CNTN4: variants seen among roughly 807,000 people sequenced by gnomAD.
CNTN4 encodes contactin 4.
Under a neutral mutation model 122.5 loss-of-function variants are expected in CNTN4, and 77 were observed. The ratio of observed to expected loss-of-function variants is 0.63; its 90% CI spans 0.52 to 0.76. The LOEUF (loss-of-function observed/expected upper bound fraction) is 0.76. Ranked by LOEUF, CNTN4 falls within the 30% of genes least tolerant of loss-of-function variation. The probability of loss-of-function intolerance (pLI) is 0.00; values close to 1 mark genes in which losing one functional copy is unlikely to be tolerated. For missense variants in CNTN4, 1,256 were observed against 1,259.1 expected, an observed-to-expected ratio of 1.00 and a Z score of 0.04; for synonymous variants, 512 against 447.0, an observed-to-expected ratio of 1.15 and a Z score of -1.83.
At chr3:3,050,589 C>G (rs147466482) in intron 23 of CNTN4, among the ~76,000 whole-genome samples, 1 of 151,958 alleles carries the variant, frequency 6.6e-6, no homozygotes, top group African/African-American at 2.4e-5. Context: ...CATGGTGAAA[C>G]CCCGTCTCTG....
At chr3:2,750,318 C>G (rs1405920374) in intron 6 of CNTN4, among the ~76,000 whole-genome samples, 1 of 152,162 alleles carries the variant, frequency 6.6e-6, no homozygotes, top group Non-Finnish European at 1.5e-5. Context: ...AGAAGATAGT[C>G]TTATAAGGTA....
chr3:2,651,452 G>T (rs1335877573), intron 4 of CNTN4, among the ~76,000 whole-genome samples: 1 of 152,136 alleles, frequency 6.6e-6, no homozygotes. Flanking sequence ...GAACCTACAA[G>T]ACAAGCACCC....
chr3:2,471,519 T>C (rs1453329107), intron 3 of CNTN4, among the ~76,000 whole-genome samples: 1 of 152,194 alleles, frequency 6.6e-6, no homozygotes, highest in Non-Finnish European at 1.5e-5. Flanking sequence ...TTTCTCTTTT[T>C]AATGGGGAAA....
chr3:2,368,558 G>A (rs1371536820), intron 3 of CNTN4, among the ~76,000 whole-genome samples: 1 of 152,014 alleles, frequency 6.6e-6, no homozygotes, highest in East Asian at 1.9e-4. Flanking sequence ...TAATTCCAAA[G>A]CATTTCTAAA....
intron 13 of CNTN4, among the ~76,000 whole-genome samples, chr3:2,950,808 A>G (rs898243515): frequency 2.0e-5 from 3 of 152,228 alleles, no homozygotes; most frequent in Non-Finnish European, 2.9e-5. Flanking sequence ...CAGCCCATGA[A>G]CTTATCCTTA....
intron 3 of CNTN4, among the ~76,000 whole-genome samples, chr3:2,377,795 G>C (rs2045877519): frequency 6.8e-6 from 1 of 147,722 alleles, no homozygotes; most frequent in African/African-American, 2.5e-5. Flanking sequence ...AACCTCATCA[G>C]TTATTGTTAG....
At chr3:2,636,014 C>A (rs745681362) in intron 4 of CNTN4, among the ~76,000 whole-genome samples, 2 of 152,270 alleles carry the variant, frequency 1.3e-5, no homozygotes, top group African/African-American at 2.4e-5. Flanking sequence ...TACATTTCTT[C>A]CCTGCTATAT....
At chr3:2,814,233 C>T (rs1465080148) in intron 6 of CNTN4, among the ~76,000 whole-genome samples, 1 of 152,168 alleles carries the variant, frequency 6.6e-6, no homozygotes, top group Non-Finnish European at 1.5e-5. Context: ...CATCACATGT[C>T]AATGAACCAC....
intron 8 of CNTN4, among the ~76,000 whole-genome samples, chr3:2,878,240 CTAGA>C (rs1485075447): frequency 6.6e-6 from 1 of 152,088 alleles, no homozygotes; most frequent in Non-Finnish European, 1.5e-5. Flanking sequence ...CTCTGTGTGA[CTAGA>C]TAAACAACAT....
At chr3:2,303,755 C>A (rs952184031) in intron 2 of CNTN4, among the ~76,000 whole-genome samples, 5 of 152,108 alleles carry the variant, frequency 3.3e-5, no homozygotes, top group Non-Finnish European at 7.3e-5. Context: ...CCGCAGAGGA[C>A]AGCTCCAAGT....
intron 3 of CNTN4, among the ~76,000 whole-genome samples, chr3:2,475,965 G>T (rs1278096633): frequency 6.6e-6 from 1 of 152,224 alleles, no homozygotes; most frequent in Non-Finnish European, 1.5e-5. Flanking sequence ...AGGTGTTCTT[G>T]AGGACTGGTT....
At chr3:2,960,996 C>T (rs1398937164) in intron 13 of CNTN4, among the ~76,000 whole-genome samples, 3 of 151,192 alleles carry the variant, frequency 2.0e-5, no homozygotes, top group Non-Finnish European at 4.4e-5. Context: ...TTTGGGAGGC[C>T]GAGGCGGGTG....
intron 13 of CNTN4, among the ~76,000 whole-genome samples, chr3:2,938,611 A>C (rs1414912550): frequency 6.6e-6 from 1 of 152,194 alleles, no homozygotes; most frequent in East Asian, 1.9e-4. Context: ...AAAGGGAGAT[A>C]AAGCTTTCGT....
intron 4 of CNTN4, among the ~76,000 whole-genome samples, chr3:2,607,818 C>T (rs1167700973): frequency 6.6e-6 from 1 of 151,970 alleles, no homozygotes; most frequent in Non-Finnish European, 1.5e-5. Flanking sequence ...TTATGTCTGG[C>T]TTTTGATTAT....
chr3:2,981,797 C>A (rs1559749621), intron 13 of CNTN4, among the ~76,000 whole-genome samples: 2 of 152,134 alleles, frequency 1.3e-5, no homozygotes, highest in Non-Finnish European at 1.5e-5. Context: ...GGCATCTGAG[C>A]ACTTCGGGAG....
intron 2 of CNTN4, among the ~76,000 whole-genome samples, chr3:2,296,986 T>A (rs2042338105): frequency 6.6e-6 from 1 of 152,156 alleles, no homozygotes; most frequent in Non-Finnish European, 1.5e-5. Flanking sequence ...GATAGAGGAA[T>A]GGAAACAATT....
In CNTN4 at chr3:3,028,627, C is replaced by T. The variant is rs369797893; in HGVS notation, c.1663-2228C>T. On this transcript the variant is annotated intron_variant, in intron 15 of 24. Coordinates refer to ENST00000418658, the MANE Select transcript of CNTN4 (RefSeq NM_175607.3). ...ATTTCCCTAAGGCCAATGTGGCTTC[C>T]CACCTTCCCTGCACGCATCCCCTGG... is the stretch of plus-strand genomic sequence containing the variant. Among the ~76,000 whole-genome samples, 5 of 152,182 alleles carry T rather than the reference C, an allele frequency of 3.3e-5. 1 individual carries two copies. Among genetic ancestry groups the T allele is most frequent in the South Asian group, 4.2e-4 (2 of 4,818 alleles).
rs947419806 is a variant in CNTN4 at position 2,891,926 on chromosome 3, C to T, written c.940+4702C>T. ...ACCAAGAGCAAAAGCCGGACCATTG[C>T]CAATATCCAGGTGAGAGACATTGTT... On this transcript the variant is annotated intron_variant, in intron 10 of 24. Coordinates refer to ENST00000418658, the MANE Select transcript of CNTN4 (RefSeq NM_175607.3). 5.3e-5 allele frequency among the ~76,000 whole-genome samples: 8 copies of T among 152,206 alleles called. 1 individual carries two copies. Among genetic ancestry groups the T allele is most frequent in the East Asian group, 3.9e-4 (2 of 5,174 alleles).
intron 5 of CNTN4, among the ~76,000 whole-genome samples, chr3:2,742,317 TAAG>T (rs1161335399): frequency 6.6e-6 from 1 of 152,202 alleles, no homozygotes; most frequent in African/African-American, 2.4e-5. Context: ...CAGAAAAATT[TAAG>T]AAGTTTTAAC....
Sources: gnomAD v4.1 joint callset for allele counts (sites outside exome capture counted in the v4.1 genomes callset) on GRCh38, gnomAD v4.1.1 for gene constraint, MANE v1.5 for transcripts, NCBI Gene and HGNC (gene_info 2026-07-23, HGNC 2026-07-21) for gene names.